The following ZC3H7B variants were observed in gnomAD, a reference collection of about 807,000 sequenced individuals.
ZC3H7B encodes zinc finger CCCH-type containing 7B, also known as zinc finger CCCH domain-containing protein 7B.
Under a neutral mutation model 116.0 loss-of-function variants are expected in ZC3H7B, and 35 were observed. The observed-to-expected ratio is 0.30, with a 90% confidence interval of 0.23 to 0.40. ZC3H7B has a LOEUF of 0.40. Among genes scored for constraint, ZC3H7B ranks in the 10% least tolerant of loss-of-function variants. The pLI, the probability that ZC3H7B is intolerant of heterozygous loss-of-function variation, is 1.00. For synonymous variants in ZC3H7B, 502 were observed against 545.6 expected (o/e 0.92, Z 1.11); for missense variants, 1,011 against 1,321.5 (o/e 0.77, Z 3.64).
chr22:41,349,098 C>T lies in ZC3H7B; in HGVS notation c.1767-22C>T, dbSNP rs773779611. The T allele has an allele frequency of 2.7e-5, 43 of 1,612,276 alleles. No homozygotes were observed. The highest frequency in any genetic ancestry group is 3.5e-5 in the Non-Finnish European group (41 of 1,179,432). On this transcript the variant is annotated intron_variant, in intron 15 of 22. Transcript: ENST00000352645. This position sits in a 1 kb window ranked among gnomAD's most constrained non-coding sequence, Gnocchi z 4.9. ...AGGGGCTGCGGACTGCATCGTGCCC[C>T]TCCTGCCTGCCCGCCCGCCAGGTGC...
Position 41,339,115 on chromosome 22 carries a change from C to G in ZC3H7B, c.740C>G (p.Pro247Arg), listed in dbSNP as rs910164897. 9 of 1,613,034 alleles carry G rather than the reference C, an allele frequency of 5.6e-6. No individual in the cohort carries two copies. The highest frequency in any genetic ancestry group is 7.6e-6 in the Non-Finnish European group (9 of 1,179,582). The change falls in exon 9 of 23, where the codon CCC becomes CGC. Residue 247 changes from proline to arginine, a missense_variant. Physicochemically the swap from Pro to Arg is moderately radical, Grantham distance 103. Around this residue, in one of 5 missense-constraint regions of ZC3H7B, gnomAD observed 322 missense variants for 443.9 expected, o/e 0.73. Coordinates refer to ENST00000352645, the MANE Select transcript of ZC3H7B (RefSeq NM_017590.6). ...LAPLDSSRTL[P>R]STDSLDDFSD... ...CCCCTGGACAGCAGCAGGACCCTCC[C>G]CAGCACCGACAGCCTGGATGACTTC... is the stretch of plus-strand genomic sequence containing the variant.
intron 17 of ZC3H7B, among the ~76,000 whole-genome samples, chr22:41,353,092 G>A (rs1601796622): frequency 6.6e-6 from 1 of 150,566 alleles, no homozygotes. Flanking sequence ...AAAAAAAAAA[G>A]AAGAAAAAAA....
At position 41,326,096 on chromosome 22, in the gene ZC3H7B, G is replaced by T. The variant is rs866591599; in HGVS notation, c.285+178G>T. On this transcript the variant is annotated intron_variant, in intron 4 of 22. Transcript: ENST00000352645. ...TAATCTCAACTGTACAACATGCTCA[G>T]CTGGAGAGCTTTTAAAAGTACGGAT... is the stretch of plus-strand genomic sequence containing the variant. Among the ~76,000 whole-genome samples the T allele has an allele frequency of 2.0e-5, 3 of 152,300 alleles. No homozygotes were observed. The South Asian group carries it at 6.2e-4, about 32-fold the overall frequency.
intron 12 of ZC3H7B, among the ~76,000 whole-genome samples, chr22:41,342,864 A>G (rs1165248179): frequency 6.6e-6 from 1 of 152,182 alleles, no homozygotes. Flanking sequence ...CTAGAGAGTG[A>G]GGACGGTGGT....
At chr22:41,343,849 A>C (rs1057291600) in intron 13 of ZC3H7B, among the ~76,000 whole-genome samples, 2 of 151,528 alleles carry the variant, frequency 1.3e-5, no homozygotes, top group East Asian at 3.9e-4. Flanking sequence ...TGTGCTCTGG[A>C]GTGTCAGGAG....
chr22:41,319,062 C>T (rs750540598), intron 1 of ZC3H7B, among the ~76,000 whole-genome samples: 1 of 152,040 alleles, frequency 6.6e-6, no homozygotes, highest in Non-Finnish European at 1.5e-5. Flanking sequence ...TGAGGTCAGG[C>T]GTTTGAGACT....
At chr22:41,307,607 C>G (rs2036061569) in intron 1 of ZC3H7B, among the ~76,000 whole-genome samples, 1 of 152,174 alleles carries the variant, frequency 6.6e-6, no homozygotes, top group Non-Finnish European at 1.5e-5. Flanking sequence ...ATACGATCAC[C>G]CATATAGCAG....
intron 7 of ZC3H7B, 111 bp downstream of exon 7, chr22:41,332,338 C>G (rs1426623544): frequency 3.1e-6 from 4 of 1,298,922 alleles, no homozygotes; most frequent in African/African-American, 1.5e-5. Flanking sequence ...GCCTCCGCCT[C>G]CCTAGGAGGT....
intron 7 of ZC3H7B, 184 bp downstream of exon 7, chr22:41,332,411 G>C: frequency 1.4e-6 from 1 of 713,296 alleles, no homozygotes; most frequent in South Asian, 1.8e-5. Context: ...GCAGGGAGTG[G>C]TCATTGCCGG....
At chr22:41,337,788 C>G (rs2036465365) in intron 7 of ZC3H7B, among the ~76,000 whole-genome samples, 1 of 152,124 alleles carries the variant, frequency 6.6e-6, no homozygotes, top group African/African-American at 2.4e-5. Flanking sequence ...TGGGGATCCA[C>G]TGAGCCCATG....
rs200954037 is a variant in ZC3H7B at position 41,340,184 on chromosome 22, A to C, written c.1138+47A>C. 1.4e-4 allele frequency: 214 copies of C among 1,532,036 alleles called. No homozygotes were observed. The African/African-American group carries it at 2.4e-3, about 17-fold the overall frequency. 94.9% of individuals were successfully genotyped at this position (1,532,036 alleles called of 1,614,324 possible). A position where few individuals can be genotyped will look rare whatever the true frequency, so the allele number is the denominator to read the frequency against. ...TTCAACCTCCCTGGACAGGTTGCAC[A>C]GTGCTGTGGCCTCTTTGGTGCCTGG... is the stretch of plus-strand genomic sequence containing the variant. On this transcript the variant is annotated intron_variant, in intron 10 of 22. Coordinates refer to ENST00000352645, the MANE Select transcript of ZC3H7B (RefSeq NM_017590.6).
Position 41,338,926 on chromosome 22 carries a change from T to G in ZC3H7B, c.626-75T>G. On this transcript the variant is annotated intron_variant, in intron 8 of 22. Coordinates refer to ENST00000352645, the MANE Select transcript of ZC3H7B (RefSeq NM_017590.6). The surrounding 1 kb of genome is among the most constrained non-coding windows in gnomAD (Gnocchi z 4.5). The stretch of plus-strand genomic sequence containing the variant: ...AAGAAGGGAAAGTGTTGGATGAGCA[T>G]CACGGGGCCCGGGACGCCTCCTCCA... 1 of 1,411,656 alleles carries G rather than the reference T, an allele frequency of 7.1e-7. No homozygotes were observed. Among genetic ancestry groups the G allele is most frequent in the Non-Finnish European group, 9.4e-7 (1 of 1,063,098 alleles). The allele number at this position is 1,411,656 out of a possible 1,614,324, so 87.4% of individuals were successfully genotyped here.
intron 20 of ZC3H7B, 72 bp downstream of exon 20, chr22:41,356,134 C>CG (rs1489911343): frequency 6.8e-7 from 1 of 1,464,038 alleles, no homozygotes; most frequent in Non-Finnish European, 9.1e-7. Flanking sequence ...AATTCACCAG[C>CG]GGGCCCAAGA....
chr22:41,325,414 A>G, intron 2 of ZC3H7B, 150 bp from the exon 3 acceptor site: 1 of 1,032,824 alleles, frequency 9.7e-7, no homozygotes. Flanking sequence ...GAAGGCCTGC[A>G]TGGCAATGAT....
chr22:41,332,268 T>C (rs368886871), intron 7 of ZC3H7B, 41 bp downstream of exon 7: 4 of 1,611,108 alleles, frequency 2.5e-6, no homozygotes, highest in Non-Finnish European at 3.4e-6. Context: ...GTTTATCCAT[T>C]ATGAGAGGTT....
chr22:41,341,237 A>G, intron 11 of ZC3H7B, 91 bp downstream of exon 11: 1 of 1,490,324 alleles, frequency 6.7e-7, no homozygotes. Flanking sequence ...GCATGGGGTA[A>G]GGCACTGCAT....
At position 41,326,934 on chromosome 22, in the gene ZC3H7B, T is replaced by C. The variant is rs933488575; in HGVS notation, c.286-272T>C. 2.6e-5 allele frequency among the ~76,000 whole-genome samples: 4 copies of C among 152,174 alleles called. 1 individual carries two copies. The highest frequency in any genetic ancestry group is 2.6e-4 in the Admixed American group (4 of 15,272). On this transcript the variant is annotated intron_variant, in intron 4 of 22. Transcript: ENST00000352645. ...AGACGTGCTTGAGTGGCCGGGCTCA[T>C]GGTTGTAGATCTTCAGGCCCTTCCC...
In ZC3H7B at chr22:41,357,044, GT is replaced by G; in HGVS notation, c.2682-129del. 2 of 1,450,564 alleles carry G rather than the reference GT, an allele frequency of 1.4e-6. No homozygotes were observed. Among genetic ancestry groups the G allele is most frequent in the Non-Finnish European group, 9.2e-7 (1 of 1,087,510 alleles). The allele number at this position is 1,450,564 out of a possible 1,614,324, so 89.9% of individuals were successfully genotyped here. A position where few individuals can be genotyped will look rare whatever the true frequency, so the allele number is the denominator to read the frequency against. On this transcript the variant is annotated intron_variant, in intron 22 of 22. Coordinates refer to ENST00000352645, the MANE Select transcript of ZC3H7B (RefSeq NM_017590.6). The surrounding 1 kb of genome is among the most constrained non-coding windows in gnomAD (Gnocchi z 5.4). Reference sequence around the variant, plus strand: ...TCCCAGAGAGGGTCAGGACACCCAGGTTTTCCCTGAGCTGGGACCCAGCTGC... The same window carrying G: ...TCCCAGAGAGGGTCAGGACACCCAGGTTTCCCTGAGCTGGGACCCAGCTGC...
intron 7 of ZC3H7B, among the ~76,000 whole-genome samples, chr22:41,337,816 A>G (rs903340448): frequency 6.6e-6 from 1 of 150,634 alleles, no homozygotes; most frequent in Non-Finnish European, 1.5e-5. Context: ...CTGCTGGCCC[A>G]TCCAGCCCCT....
Sources: gnomAD v4.1 joint callset for allele counts (sites outside exome capture counted in the v4.1 genomes callset) on GRCh38, gnomAD v4.1.1 for gene constraint, gnomAD v4.1.1 regional missense constraint, Gnocchi (gnomAD v3.1) non-coding constraint, MANE v1.5 for transcripts, NCBI Gene and HGNC (gene_info 2026-07-23, HGNC 2026-07-21) for gene names.